The following ADAM22 variants were observed in gnomAD, a reference collection of about 807,000 sequenced individuals.
ADAM22 encodes disintegrin and metalloproteinase domain-containing protein 22.
A neutral mutation model predicts 144.6 loss-of-function variants in ADAM22; 65 were observed. That is an observed-to-expected ratio of 0.45 (90% CI 0.37 to 0.55). The LOEUF (loss-of-function observed/expected upper bound fraction) is 0.55, where lower values mean the gene tolerates loss of function less well. Ranked by LOEUF, ADAM22 falls within the 20% of genes least tolerant of loss-of-function variation. ADAM22 has a pLI of 0.00. For missense variants in ADAM22, 974 were observed against 1,184.9 expected, an observed-to-expected ratio of 0.82 and a Z score of 2.61; for synonymous variants, 391 against 412.6, an observed-to-expected ratio of 0.95 and a Z score of 0.63.
intron 22 of ADAM22, among the ~76,000 whole-genome samples, chr7:88,159,410 G>T (rs569000256): frequency 6.6e-6 from 1 of 152,170 alleles, no homozygotes; most frequent in East Asian, 1.9e-4. Flanking sequence ...ATTCTATGAG[G>T]CCAGTATCAT....
At position 88,177,234 on chromosome 7, in the gene ADAM22, C is replaced by A. The variant is rs569897042; in HGVS notation, c.2301-1701C>A. On this transcript the variant is annotated intron_variant, in intron 26 of 31. Coordinates refer to ENST00000413139, the MANE Select transcript of ADAM22 (RefSeq NM_001324418.2). ...ATGTAATACAAAAGGGAAGTTTTCT[C>A]CCCAAGGCAAAAACTAGAACTCTGA... Among the ~76,000 whole-genome samples the A allele has an allele frequency of 2.0e-5, 3 of 151,778 alleles. No homozygotes were observed. In the South Asian group the frequency reaches 6.2e-4, roughly 32 times the overall value.
chr7:88,130,482 A>G (rs1831487693), intron 10 of ADAM22, 23 bp downstream of exon 10: 2 of 1,593,446 alleles, frequency 1.3e-6, no homozygotes, highest in Admixed American at 1.7e-5. Context: ...CCCGTTCATT[A>G]TTGCCCTAGA....
chr7:88,167,492 T>C (rs1284498952), intron 24 of ADAM22, among the ~76,000 whole-genome samples: 1 of 152,284 alleles, frequency 6.6e-6, no homozygotes, highest in East Asian at 1.9e-4. Context: ...GCCAGTGTGG[T>C]GCTGCCTCTC....
At chr7:87,993,770 C>G (rs2129452107) in intron 3 of ADAM22, among the ~76,000 whole-genome samples, 1 of 152,294 alleles carries the variant, frequency 6.6e-6, no homozygotes, top group South Asian at 2.1e-4. Flanking sequence ...ATCTTCTTGC[C>G]TCTTTGGGGT....
At chr7:88,065,486 C>A (rs1166113607) in intron 3 of ADAM22, among the ~76,000 whole-genome samples, 4 of 151,940 alleles carry the variant, frequency 2.6e-5, no homozygotes, top group African/African-American at 9.6e-5. Flanking sequence ...TTTTAAGGTG[C>A]CAAAATAAGA....
chr7:87,950,600 T>C (rs368053858), intron 2 of ADAM22, among the ~76,000 whole-genome samples: 26 of 149,894 alleles, frequency 1.7e-4, no homozygotes, highest in African/African-American at 5.2e-4. Context: ...AATAAACATA[T>C]GTGTGCATGT....
intron 18 of ADAM22, among the ~76,000 whole-genome samples, chr7:88,150,645 A>C (rs2129526107): frequency 6.6e-6 from 1 of 152,268 alleles, no homozygotes; most frequent in East Asian, 1.9e-4. Context: ...ATACTTTTAA[A>C]TGTATCATTA....
chr7:87,979,417 A>C (rs185303940), intron 3 of ADAM22, among the ~76,000 whole-genome samples: 2 of 152,184 alleles, frequency 1.3e-5, no homozygotes, highest in Admixed American at 6.6e-5. Context: ...TAAATGCTCA[A>C]TAACCCTCTC....
rs779850728 is a variant in ADAM22, at chr7:88,186,746, C to T, written c.2750+45C>T. 2.5e-6 allele frequency: 3 copies of T among 1,214,838 alleles called. No homozygotes were observed. In the Admixed American group the frequency reaches 5.2e-5, roughly 21 times the overall value. The allele number at this position is 1,214,838 out of a possible 1,614,324, so 75.3% of individuals were successfully genotyped here. A position where few individuals can be genotyped will look rare whatever the true frequency, so the allele number is the denominator to read the frequency against. On this transcript the variant is annotated intron_variant, in intron 30 of 31. Coordinates refer to ENST00000413139, the MANE Select transcript of ADAM22 (RefSeq NM_001324418.2). ...TTATATCCTTCTCAAACTCTCCCAG[C>T]ACATACAAATACTGTAGTGTGACTG...
intron 2 of ADAM22, among the ~76,000 whole-genome samples, chr7:87,937,940 C>T (rs533871641): frequency 2.2e-4 from 33 of 152,168 alleles, no homozygotes; most frequent in Admixed American, 6.5e-5. Flanking sequence ...TTGGGAGCCA[C>T]TGCACTTTAC....
intron 3 of ADAM22, among the ~76,000 whole-genome samples, chr7:87,982,983 G>C (rs1854058754): frequency 6.6e-6 from 1 of 151,656 alleles, no homozygotes; most frequent in African/African-American, 2.4e-5. Flanking sequence ...GAGCCACCAT[G>C]CCTGGCCCAG....
intron 2 of ADAM22, 48 bp from the exon 3 acceptor site, chr7:87,978,288 T>G: frequency 7.2e-7 from 1 of 1,385,246 alleles, no homozygotes; most frequent in African/African-American, 1.4e-5. Context: ...AATTGTCTGA[T>G]TAGTATGGCT....
At chr7:88,020,414 T>C (rs1391625373) in intron 3 of ADAM22, among the ~76,000 whole-genome samples, 2 of 152,186 alleles carry the variant, frequency 1.3e-5, no homozygotes, top group East Asian at 3.9e-4. Flanking sequence ...CATGTGACAA[T>C]ACTCCACAGG....
rs775292081 is a variant in ADAM22 at position 88,155,984 on chromosome 7, C to G, written c.1885C>G (p.Gln629Glu). ...GEITSTLVVQ[Q>E]GRTLNCSGGH... ...AATCACATCTACTTTAGTTGTGCAG[C>G]AAGGAAGAACATTAAACTGCAGGTA... The change falls in exon 22 of 32, where the codon CAA becomes GAA. Residue 629 changes from glutamine (Q) to glutamate (E), a missense_variant. Transcript: ENST00000413139. The G allele has an allele frequency of 2.5e-6, 4 of 1,613,034 alleles. No individual in the cohort carries two copies. The Admixed American group carries it at 5.0e-5, about 20-fold the overall frequency.
At chr7:88,112,452 A>G (rs1217534004) in intron 5 of ADAM22, among the ~76,000 whole-genome samples, 1 of 152,254 alleles carries the variant, frequency 6.6e-6, no homozygotes, top group African/African-American at 2.4e-5. Context: ...CTTGGCTGTC[A>G]CATAATCATT....
At chr7:87,964,879 A>G (rs536978494) in intron 2 of ADAM22, among the ~76,000 whole-genome samples, 145 of 152,308 alleles carry the variant, frequency 9.5e-4, no homozygotes, top group South Asian at 3.7e-3. Flanking sequence ...TTTATGTCAT[A>G]CTGAATCACT....
chr7:88,075,386 T>G (rs1814082665), intron 3 of ADAM22, among the ~76,000 whole-genome samples: 1 of 152,192 alleles, frequency 6.6e-6, no homozygotes, highest in African/African-American at 2.4e-5. Flanking sequence ...CAGAATCAGC[T>G]GTGCTCAGCA....
In ADAM22 at chr7:87,978,872, T is replaced by C. The variant is rs1852556406; in HGVS notation, c.323+460T>C. Among the ~76,000 whole-genome samples the C allele has an allele frequency of 2.6e-5, 4 of 152,166 alleles. No homozygotes were observed. In the South Asian group the frequency reaches 8.3e-4, roughly 32 times the overall value. The stretch of plus-strand genomic sequence containing the variant: ...GCTTTGATGTGGTGGTGGATTTCTG[T>C]GAGGTTTCTGGTACTGGGATTATCC... On this transcript the variant is annotated intron_variant, in intron 3 of 31. Coordinates refer to ENST00000413139, the MANE Select transcript of ADAM22 (RefSeq NM_001324418.2).
chr7:87,945,520 T>C (rs1490597671), intron 2 of ADAM22, among the ~76,000 whole-genome samples: 1 of 151,058 alleles, frequency 6.6e-6, no homozygotes, highest in Non-Finnish European at 1.5e-5. Flanking sequence ...TTCTTTCTTT[T>C]TTTTTTTTTT....
Sources: allele counts gnomAD v4.1 joint callset (sites outside exome capture counted in the v4.1 genomes callset), GRCh38; gene constraint gnomAD v4.1.1; transcripts MANE v1.5; gene names NCBI Gene and HGNC (gene_info 2026-07-23, HGNC 2026-07-21).